The following ENOX2 variants were observed in gnomAD, a reference collection of about 807,000 sequenced individuals.
ENOX2 encodes the protein APK1 antigen.
In ENOX2, 36 loss-of-function variants were observed where a neutral mutation model predicts 45.0. The observed-to-expected ratio is 0.80, with a 90% CI of 0.61 to 1.06. The LOEUF is 1.06. Among genes scored for constraint, ENOX2 ranks in the 50% least tolerant of loss-of-function variants. ENOX2 has a pLI of 0.00. For missense variants in ENOX2, 423 were observed against 462.5 expected (o/e 0.91, Z 0.78); for synonymous variants, 174 against 152.3 (o/e 1.14, Z -1.05).
chrX:130,638,036 G>A (rs770650231), intron 10 of ENOX2, among the ~76,000 whole-genome samples: 5 of 109,427 alleles, frequency 4.6e-5, no homozygotes, highest in African/African-American at 6.7e-5. Flanking sequence ...ATATGCAATC[G>A]CATTTCAAGA....
chrX:130,634,900 A>T, intron 12 of ENOX2, 84 bp downstream of exon 12: 1 of 508,990 alleles, frequency 2.0e-6, no homozygotes. Context: ...ATTGATTTCT[A>T]GGGCATAACT....
At chrX:130,773,148 A>T (rs2039779090) in intron 3 of ENOX2, among the ~76,000 whole-genome samples, 1 of 112,252 alleles carries the variant, frequency 8.9e-6, no homozygotes, top group Non-Finnish European at 1.9e-5. Flanking sequence ...GACTAAATAA[A>T]TATTCACTGA....
intron 2 of ENOX2, among the ~76,000 whole-genome samples, chrX:130,878,393 C>T (rs1215004440): frequency 1.8e-5 from 2 of 111,737 alleles, no homozygotes; most frequent in Non-Finnish European, 3.8e-5. Flanking sequence ...GTAGGGCACT[C>T]AGGGAATACT....
At chrX:130,794,110 C>G (rs2077083411) in intron 2 of ENOX2, among the ~76,000 whole-genome samples, 1 of 111,915 alleles carries the variant, frequency 8.9e-6, no homozygotes. Flanking sequence ...TTTGAGCTGG[C>G]TCTAGGCCAT....
At chrX:130,866,179 C>T (rs2078490643) in intron 2 of ENOX2, among the ~76,000 whole-genome samples, 1 of 111,529 alleles carries the variant, frequency 9.0e-6, no homozygotes, top group Non-Finnish European at 1.9e-5. Context: ...CCTAATCAAT[C>T]AAGTCCTATT....
rs746297624 is a variant in ENOX2, at chrX:130,667,593, C to G, written c.844G>C (p.Glu282Gln). The change falls in exon 8 of 15, where the codon GAG becomes CAG. Residue 282 changes from glutamate to glutamine, a missense_variant. By Grantham distance (29) the Glu-to-Gln change is conservative. This residue lies in a region of ENOX2 where 261 missense variants were observed against 306.8 expected (regional missense o/e 0.85). Coordinates refer to ENST00000394363, the MANE Select transcript of ENOX2 (RefSeq NM_006375.4). ...RRLVNEKAAH[E>Q]KDMEEAKEKF... ...TCCTTTGCTTCTTCCATATCTTTCT[C>G]ATGGGCAGCTTTCTCGTTCACCAGG... 5 of 1,211,728 alleles carry G rather than the reference C, an allele frequency of 4.1e-6. No homozygotes were observed. The highest frequency in any genetic ancestry group is 5.6e-6 in the Non-Finnish European group (5 of 895,492).
intron 2 of ENOX2, among the ~76,000 whole-genome samples, chrX:130,840,654 TCTAGGGGTTCAAGACCAG>T (rs1473654241): frequency 9.0e-6 from 1 of 110,588 alleles, no homozygotes; most frequent in African/African-American, 3.3e-5. Flanking sequence ...ATTCCTTGAG[TCTAGGGGTTCAAGACCAG>T]CCTGAGCAAT....
At chrX:130,888,952 G>A (rs1277678148) in intron 2 of ENOX2, among the ~76,000 whole-genome samples, 1 of 111,401 alleles carries the variant, frequency 9.0e-6, no homozygotes, top group African/African-American at 3.3e-5. Context: ...ATCTCCTTTT[G>A]TTCAAGCTTT....
chrX:130,860,565 G>A (rs150829843), intron 2 of ENOX2, among the ~76,000 whole-genome samples: 1,297 of 111,425 alleles, frequency 0.012, 30 homozygotes, highest in African/African-American at 0.041. Context: ...TTCCTCAGAA[G>A]GAAAAAACTT....
intron 3 of ENOX2, among the ~76,000 whole-genome samples, chrX:130,776,681 T>A (rs886091318): frequency 4.5e-5 from 5 of 111,836 alleles, no homozygotes; most frequent in African/African-American, 1.6e-4. Flanking sequence ...TATTTCTTTA[T>A]AGCAATGAAA....
chrX:130,710,959 G>C (rs1044565411), intron 3 of ENOX2, among the ~76,000 whole-genome samples: 1 of 112,063 alleles, frequency 8.9e-6, no homozygotes, highest in African/African-American at 3.2e-5. Context: ...GAAAGAGAAA[G>C]GAAGTTTAGA....
rs1362783637 is a variant in ENOX2, at chrX:130,634,865, C to T, written c.1419+119G>A. On this transcript the variant is annotated intron_variant, in intron 12 of 14. Transcript: ENST00000394363. The stretch of plus-strand genomic sequence containing the variant: ...ACCCCCGAGAGGGGCTTTTAATTCC[C>T]AATCGGCCAAAAATGTTTGGCCCCA... 6.9e-6 allele frequency: 3 copies of T among 432,019 alleles called. No homozygotes were observed. In the Admixed American group the frequency reaches 1.4e-4, roughly 20 times the overall value. 35.6% of individuals were successfully genotyped at this position (432,019 alleles called of 1,213,427 possible). A position where few individuals can be genotyped will look rare whatever the true frequency, so the allele number is the denominator to read the frequency against.
At chrX:130,868,113 TTGGAAGAGTC>T (rs1221614756) in intron 2 of ENOX2, among the ~76,000 whole-genome samples, 2 of 111,637 alleles carry the variant, frequency 1.8e-5, no homozygotes, top group South Asian at 3.7e-4. Context: ...ATACAATTAC[TTGGAAGAGTC>T]TGGCAATTCC....
intron 6 of ENOX2, among the ~76,000 whole-genome samples, chrX:130,676,875 T>C: frequency 8.9e-6 from 1 of 111,770 alleles, no homozygotes; most frequent in Middle Eastern, 4.6e-3. Flanking sequence ...GTCAAATTAA[T>C]CTTGCGGAAA....
intron 3 of ENOX2, among the ~76,000 whole-genome samples, chrX:130,718,501 G>T (rs1327602083): frequency 8.9e-6 from 1 of 111,901 alleles, no homozygotes; most frequent in Non-Finnish European, 1.9e-5. Flanking sequence ...TGATCTTACA[G>T]GGTTGATGAG....
intron 10 of ENOX2, among the ~76,000 whole-genome samples, chrX:130,655,980 T>C (rs2036537409): frequency 8.9e-6 from 1 of 111,770 alleles, no homozygotes. Flanking sequence ...GTGTGGAAGC[T>C]GAGGCTCAGT....
chrX:130,646,142 T>C, intron 10 of ENOX2: 1 of 516,401 alleles, frequency 1.9e-6, no homozygotes, highest in Admixed American at 2.4e-5. Context: ...CAACTTCTCC[T>C]GGAGCACTTC....
intron 9 of ENOX2, among the ~76,000 whole-genome samples, chrX:130,665,151 A>G (rs888494696): frequency 3.6e-5 from 4 of 112,272 alleles, no homozygotes; most frequent in African/African-American, 1.3e-4. Flanking sequence ...TTAACCTAAG[A>G]TCAGAGTCCT....
chrX:130,820,299 G>C (rs1278093542), intron 2 of ENOX2, among the ~76,000 whole-genome samples: 1 of 112,372 alleles, frequency 8.9e-6, no homozygotes, highest in Admixed American at 9.4e-5. Context: ...TTATCAAAAA[G>C]ATGAAAGATA....
Sources: gnomAD v4.1 joint callset for allele counts (sites outside exome capture counted in the v4.1 genomes callset) on GRCh38, gnomAD v4.1.1 for gene constraint, gnomAD v4.1.1 regional missense constraint, MANE v1.5 for transcripts, NCBI Gene and HGNC (gene_info 2026-07-23, HGNC 2026-07-21) for gene names.